The following TSPAN3 variants were observed in gnomAD, a reference collection of about 807,000 sequenced individuals.
TSPAN3 encodes the protein tetraspanin 3, also known as tetraspanin-3.
A neutral mutation model predicts 31.1 loss-of-function variants in TSPAN3; 9 were observed. The ratio of observed to expected loss-of-function variants is 0.29; its 90% CI spans 0.17 to 0.50. The LOEUF is 0.50. Among genes scored for constraint, TSPAN3 ranks in the 20% least tolerant of loss-of-function variants. TSPAN3 has a pLI of 0.98. For synonymous variants in TSPAN3, 129 were observed against 114.3 expected (o/e 1.13, Z -0.82); for missense variants, 252 against 313.5 (o/e 0.80, Z 1.48).
intron 1 of TSPAN3, among the ~76,000 whole-genome samples, chr15:77,070,530 C>T (rs1057436941): frequency 1.3e-5 from 2 of 152,110 alleles, no homozygotes; most frequent in Non-Finnish European, 2.9e-5. Context: ...TATTTCGAGC[C>T]CGACGTCCTG....
intron 4 of TSPAN3, among the ~76,000 whole-genome samples, chr15:77,053,904 C>T (rs771192159): frequency 5.9e-5 from 9 of 152,084 alleles, no homozygotes; most frequent in African/African-American, 9.7e-5. Flanking sequence ...CTCTCTCTTG[C>T]GTCATCACCC....
Position 77,071,030 on chromosome 15 carries a change from C to T in TSPAN3, c.-76G>A. The T allele has an allele frequency of 8.8e-7, 1 of 1,135,524 alleles. No individual in the cohort carries two copies. 70.3% of individuals were successfully genotyped at this position (1,135,524 alleles called of 1,614,324 possible). A position where few individuals can be genotyped will look rare whatever the true frequency, so the allele number is the denominator to read the frequency against. On this transcript the variant is annotated 5_prime_UTR_variant, in exon 1 of 7. Coordinates refer to ENST00000267970, the MANE Select transcript of TSPAN3 (RefSeq NM_005724.6). ...CGAGAGAGCGGCAATGGCGGCGGCG[C>T]CTCCTCGCTAGGAACTGCACGGCCT...
chr15:77,061,069 TATG>T (rs773980332), intron 1 of TSPAN3, among the ~76,000 whole-genome samples: 3 of 152,230 alleles, frequency 2.0e-5, no homozygotes, highest in Admixed American at 1.3e-4. Flanking sequence ...GTTCCAAAAG[TATG>T]ATACTTCATT....
rs931922400 is a variant in TSPAN3 at position 77,045,434 on chromosome 15, A to C, written c.*1401T>G. ...CGGCTTGCATCACCACCTTCTTCTC[A>C]GTTCACCTTCCAAATCAAACCTCCA... On this transcript the variant is annotated 3_prime_UTR_variant, in exon 7 of 7. Transcript: ENST00000267970. 6.6e-6 allele frequency: 1 copy of C among 152,246 alleles called. No individual in the cohort carries two copies. Among genetic ancestry groups the C allele is most frequent in the African/African-American group, 2.4e-5 (1 of 41,410 alleles). 9.4% of individuals were successfully genotyped at this position (152,246 alleles called of 1,614,324 possible). A position where few individuals can be genotyped will look rare whatever the true frequency, so the allele number is the denominator to read the frequency against.
intron 6 of TSPAN3, among the ~76,000 whole-genome samples, chr15:77,048,238 T>C (rs1568538148): frequency 6.6e-6 from 1 of 152,232 alleles, no homozygotes; most frequent in Non-Finnish European, 1.5e-5. Context: ...TTCTGTTCTC[T>C]GTACATCAAA....
chr15:77,065,942 CTAAA>C lies in TSPAN3; in HGVS notation c.63+4946_63+4949del, dbSNP rs577272599. Among the ~76,000 whole-genome samples, 25 of 152,172 alleles carry C rather than the reference CTAAA, an allele frequency of 1.6e-4. 1 individual carries two copies. In the South Asian group the frequency reaches 5.0e-3, roughly 30 times the overall value. On this transcript the variant is annotated intron_variant, in intron 1 of 6. Transcript: ENST00000267970. ...CACCTCTCAGATGAAAAACAACAAC[CTAAA>C]TAGATATTTAAGATTATAAATTCTA...
intron 1 of TSPAN3, among the ~76,000 whole-genome samples, chr15:77,059,664 A>AT (rs1240582761): frequency 7.2e-5 from 11 of 152,304 alleles, no homozygotes; most frequent in Non-Finnish European, 1.2e-4. Context: ...TTTATTTCTT[A>AT]AAAGGCTTGA....
At chr15:77,061,922 G>A (rs1485896686) in intron 1 of TSPAN3, among the ~76,000 whole-genome samples, 3 of 152,134 alleles carry the variant, frequency 2.0e-5, no homozygotes, top group East Asian at 1.9e-4. Context: ...TGCTCCCTTC[G>A]GAGTGATTTT....
At chr15:77,066,745 C>A (rs1047553216) in intron 1 of TSPAN3, among the ~76,000 whole-genome samples, 1 of 152,146 alleles carries the variant, frequency 6.6e-6, no homozygotes, top group African/African-American at 2.4e-5. Context: ...TACATCCTTT[C>A]ACTTGTCCAA....
In TSPAN3 at chr15:77,056,171, T is replaced by C; in HGVS notation, c.148A>G (p.Thr50Ala). 6.2e-7 allele frequency: 1 copy of C among 1,613,974 alleles called. No homozygotes were observed. The highest frequency in any genetic ancestry group is 8.5e-7 in the Non-Finnish European group (1 of 1,179,980). Residue 50 changes from threonine to alanine, a missense_variant, in exon 2 of 7, where the codon ACG (threonine) becomes GCG (alanine). Coordinates refer to ENST00000267970, the MANE Select transcript of TSPAN3 (RefSeq NM_005724.6). ...DYDHFFEDVY[T>A]LIPAVVIIAV... ...ATGATCACTACAGCAGGGATGAGCG[T>C]GTACACATCTTCAAAGAAGTGGTCA...
At chr15:77,054,400 G>A in intron 3 of TSPAN3, 121 bp from the exon 4 acceptor site, 1 of 682,264 alleles carries the variant, frequency 1.5e-6, no homozygotes, top group Non-Finnish European at 2.5e-6. Context: ...TGAATTTCCT[G>A]TAAAGTTTTC....
At chr15:77,048,403 T>A (rs1037979471) in intron 6 of TSPAN3, among the ~76,000 whole-genome samples, 3 of 151,926 alleles carry the variant, frequency 2.0e-5, no homozygotes, top group African/African-American at 7.3e-5. Flanking sequence ...TTCAATTGGT[T>A]AACTTCTATT....
At chr15:77,057,363 CCA>C (rs772838537) in intron 1 of TSPAN3, among the ~76,000 whole-genome samples, 58 of 152,256 alleles carry the variant, frequency 3.8e-4, no homozygotes, top group Non-Finnish European at 6.8e-4. Context: ...GAAACAGCTG[CCA>C]CAGTGATACT....
intron 4 of TSPAN3, among the ~76,000 whole-genome samples, chr15:77,053,475 AAAAAAAAAAAAAAAAAAAAGAAAAG>A (rs2076746120): frequency 1.1e-5 from 1 of 87,274 alleles, no homozygotes; most frequent in Non-Finnish European, 2.9e-5. Flanking sequence ...AAAAAAAAAA[AAAAAAAAAAAAAAAAAAAAGAAAAG>A]AAAAGTACAT....
At chr15:77,053,223 C>T (rs1054388562) in intron 4 of TSPAN3, among the ~76,000 whole-genome samples, 7 of 151,840 alleles carry the variant, frequency 4.6e-5, no homozygotes, top group African/African-American at 1.7e-4. Flanking sequence ...AGGCCGGGTG[C>T]AGTGGCTCAC....
At chr15:77,070,339 A>C (rs182953847) in intron 1 of TSPAN3, among the ~76,000 whole-genome samples, 1 of 152,318 alleles carries the variant, frequency 6.6e-6, no homozygotes, top group African/African-American at 2.4e-5. Context: ...TGGCTCCTCG[A>C]GTTGAAACCC....
rs1362669279 is a variant in TSPAN3 at position 77,056,086 on chromosome 15, TC to T, written c.232del (p.Glu78LysfsTer23). On this transcript the variant is annotated frameshift_variant, in exon 2 of 7. Transcript: ENST00000267970. LOFTEE classifies it high-confidence loss of function. ...TACCGTGGCAAGTCCACAGCGACTTTCCCGGATTGTGGCACAGCAGCCAATT... is the reference window on the plus strand; with the variant it reads ...TACCGTGGCAAGTCCACAGCGACTTTCCGGATTGTGGCACAGCAGCCAATT... ...GLIGCCATIR[E>X]SRCGLATFVI... 6.2e-7 allele frequency: 1 copy of T among 1,610,290 alleles called. No homozygotes were observed. Among genetic ancestry groups the T allele is most frequent in the Non-Finnish European group, 8.5e-7 (1 of 1,178,644 alleles).
intron 1 of TSPAN3, among the ~76,000 whole-genome samples, chr15:77,061,698 A>G (rs1333187255): frequency 6.6e-6 from 1 of 152,234 alleles, no homozygotes; most frequent in African/African-American, 2.4e-5. Context: ...ATGGAGATTT[A>G]GAAATACAAA....
At chr15:77,055,739 C>T (rs761296667) in intron 3 of TSPAN3, 50 bp downstream of exon 3, 2 of 1,437,516 alleles carry the variant, frequency 1.4e-6, no homozygotes, top group Non-Finnish European at 1.9e-6. Context: ...TTACTTGAAA[C>T]ACTTAAACCA....
Sources: gnomAD v4.1 joint callset for allele counts (sites outside exome capture counted in the v4.1 genomes callset) on GRCh38, gnomAD v4.1.1 for gene constraint, MANE v1.5 for transcripts, NCBI Gene and HGNC (gene_info 2026-07-23, HGNC 2026-07-21) for gene names.